The following TNFSF4 variants were observed in gnomAD, a reference collection of about 807,000 sequenced individuals.
The protein encoded by TNFSF4 is TNF superfamily member 4, also known as tumor necrosis factor ligand superfamily member 4.
TNFSF4 carries 4 observed loss-of-function variants against 7.3 expected under a neutral mutation model. The observed-to-expected ratio is 0.55, with a 90% CI of 0.27 to 1.25. The LOEUF is 1.25. TNFSF4 is among the 50% of genes most tolerant of loss of function. TNFSF4 has a pLI of 0.12. For synonymous variants in TNFSF4, 76 were observed against 83.7 expected (o/e 0.91, Z 0.50); for missense variants, 181 against 208.8 (o/e 0.87, Z 0.82).
At chr1:173,174,222 C>T in the TNFSF4 span, 16,163 of 152,178 alleles carry the variant, frequency 0.11, 1,020 homozygotes, top group Admixed American at 0.16. Flanking sequence ...CCACCTCAGT[C>T]GGGACTTTAT....
At chr1:173,257,046 C>T in the TNFSF4 span, among the ~76,000 whole-genome samples, 1 of 152,190 alleles carries the variant, frequency 6.6e-6, no homozygotes, top group South Asian at 2.1e-4. Flanking sequence ...AACTCATTGC[C>T]CATGTGGCTT....
At chr1:173,437,019 T>C in the TNFSF4 span, among the ~76,000 whole-genome samples, 2 of 152,176 alleles carry the variant, frequency 1.3e-5, no homozygotes, top group African/African-American at 2.4e-5. Context: ...ATGTGATTTA[T>C]GGTGAGGGCT....
the TNFSF4 span, among the ~76,000 whole-genome samples, chr1:173,271,412 C>T: frequency 3.9e-5 from 6 of 152,016 alleles, no homozygotes; most frequent in African/African-American, 1.4e-4. Context: ...GGATCCTTTC[C>T]CCATTTCTTG....
chr1:173,368,738 C>T, the TNFSF4 span, among the ~76,000 whole-genome samples: 1 of 152,130 alleles, frequency 6.6e-6, no homozygotes, highest in Non-Finnish European at 1.5e-5. Flanking sequence ...ATGAGCAGAA[C>T]TCTCAAAGTT....
the TNFSF4 span, among the ~76,000 whole-genome samples, chr1:173,420,694 A>G: frequency 6.6e-6 from 1 of 152,238 alleles, no homozygotes; most frequent in Non-Finnish European, 1.5e-5. Context: ...CAAAAACTAA[A>G]TATAATTTAA....
At chr1:173,233,622 T>C in the TNFSF4 span, among the ~76,000 whole-genome samples, 2 of 152,240 alleles carry the variant, frequency 1.3e-5, no homozygotes, top group African/African-American at 2.4e-5. Flanking sequence ...TGCATTCAAT[T>C]GTAAGTTTTA....
chr1:173,289,238 C>A, the TNFSF4 span, among the ~76,000 whole-genome samples: 1 of 151,998 alleles, frequency 6.6e-6, no homozygotes, highest in East Asian at 1.9e-4. Flanking sequence ...GTGTAGATGG[C>A]ATAACGTGAG....
the TNFSF4 span, among the ~76,000 whole-genome samples, chr1:173,300,398 G>C: frequency 9.2e-5 from 14 of 151,862 alleles, no homozygotes; most frequent in Admixed American, 9.2e-4. Flanking sequence ...TCTGCCACTT[G>C]GATTGACATT....
chr1:173,265,935 C>A, the TNFSF4 span, among the ~76,000 whole-genome samples: 1 of 152,168 alleles, frequency 6.6e-6, no homozygotes, highest in Non-Finnish European at 1.5e-5. Context: ...TCATAAAACT[C>A]TTTTCCTCTA....
the TNFSF4 span, among the ~76,000 whole-genome samples, chr1:173,343,839 T>C: frequency 6.6e-6 from 1 of 151,932 alleles, no homozygotes; most frequent in African/African-American, 2.4e-5. Flanking sequence ...TGGAATGAAA[T>C]GGAAAGTGAA....
At chr1:173,395,166 C>T in the TNFSF4 span, among the ~76,000 whole-genome samples, 3 of 151,030 alleles carry the variant, frequency 2.0e-5, no homozygotes, top group African/African-American at 7.3e-5. Flanking sequence ...GAACAAAATG[C>T]TACAGATGAA....
the TNFSF4 span, among the ~76,000 whole-genome samples, chr1:173,235,584 T>C: frequency 2.6e-5 from 4 of 152,236 alleles, no homozygotes; most frequent in East Asian, 7.7e-4. Context: ...AAGGAGCTTG[T>C]CTACACATAC....
the TNFSF4 span, among the ~76,000 whole-genome samples, chr1:173,223,075 G>T: frequency 6.6e-6 from 1 of 152,132 alleles, no homozygotes; most frequent in Non-Finnish European, 1.5e-5. Flanking sequence ...ATCCCAGCTT[G>T]CCTCAAGCTT....
chr1:173,437,842 C>A, the TNFSF4 span, among the ~76,000 whole-genome samples: 2 of 152,068 alleles, frequency 1.3e-5, no homozygotes, highest in Non-Finnish European at 2.9e-5. Flanking sequence ...TGTTCCTATT[C>A]AAAATATTCT....
the TNFSF4 span, among the ~76,000 whole-genome samples, chr1:173,287,168 A>G: frequency 3.3e-5 from 5 of 151,694 alleles, no homozygotes; most frequent in African/African-American, 1.2e-4. Flanking sequence ...TGTCTCCACA[A>G]AAAAAAAGAA....
At chr1:173,330,526 T>C in the TNFSF4 span, among the ~76,000 whole-genome samples, 1 of 152,156 alleles carries the variant, frequency 6.6e-6, no homozygotes, top group Non-Finnish European at 1.5e-5. Context: ...AAGCATTTTC[T>C]AACAGAAAAA....
At chr1:173,352,771 C>T in the TNFSF4 span, among the ~76,000 whole-genome samples, 1 of 115,272 alleles carries the variant, frequency 8.7e-6, no homozygotes, top group Non-Finnish European at 1.8e-5. Context: ...CTGGAATTTC[C>T]TAATTCTAGC....
chr1:173,276,750 C>A, the TNFSF4 span, among the ~76,000 whole-genome samples: 4 of 152,154 alleles, frequency 2.6e-5, no homozygotes, highest in African/African-American at 4.8e-5. Flanking sequence ...GAGATTAGAA[C>A]AGGCCACTGG....
At chr1:173,223,539 T>C in the TNFSF4 span, among the ~76,000 whole-genome samples, 2 of 151,916 alleles carry the variant, frequency 1.3e-5, no homozygotes, top group East Asian at 1.9e-4. Flanking sequence ...GACAATCAGG[T>C]AAAGGTGGAT....
Sources: allele counts gnomAD v4.1 joint callset (sites outside exome capture counted in the v4.1 genomes callset), GRCh38; gene constraint gnomAD v4.1.1; transcripts MANE v1.5; gene names NCBI Gene and HGNC (gene_info 2026-07-23, HGNC 2026-07-21).